BNC2: variants seen among roughly 807,000 people sequenced by gnomAD.
BNC2 encodes the protein basonuclin zinc finger protein 2, also known as zinc finger protein basonuclin-2.
In BNC2, 20 loss-of-function variants were observed where a neutral mutation model predicts 76.3. The observed-to-expected ratio is 0.26, with a 90% CI of 0.18 to 0.38. The LOEUF is 0.38. Among genes scored for constraint, BNC2 ranks in the 10% least tolerant of loss-of-function variants. The pLI is 1.00. For missense variants in BNC2, 1,382 were observed against 1,399.8 expected (o/e 0.99, Z 0.20); for synonymous variants, 582 against 514.8 (o/e 1.13, Z -1.77).
At chr9:16,634,302 C>T (rs17739947) in intron 3 of BNC2, among the ~76,000 whole-genome samples, 2,726 of 152,120 alleles carry the variant, frequency 0.018, 37 homozygotes, top group Non-Finnish European at 0.024. Context: ...TTACCTTGTC[C>T]GCTATTTAAA....
intron 2 of BNC2, among the ~76,000 whole-genome samples, chr9:16,730,026 T>C (rs184254592): frequency 4.7e-4 from 72 of 151,800 alleles, no homozygotes; most frequent in African/African-American, 1.5e-3. Context: ...TCACTCCCTC[T>C]TCCTCTTTTT....
At chr9:16,760,029 A>G (rs1380841197) in intron 1 of BNC2, among the ~76,000 whole-genome samples, 1 of 152,182 alleles carries the variant, frequency 6.6e-6, no homozygotes, top group South Asian at 2.1e-4. Flanking sequence ...GGCCAGAGAC[A>G]GAAACTCTTA....
intron 3 of BNC2, among the ~76,000 whole-genome samples, chr9:16,675,319 A>T (rs957448382): frequency 1.3e-5 from 2 of 151,770 alleles, no homozygotes; most frequent in Non-Finnish European, 2.9e-5. Context: ...TCGTAATGTG[A>T]TATCGACTCA....
chr9:16,744,828 T>C (rs1824952690), intron 1 of BNC2, among the ~76,000 whole-genome samples: 1 of 152,350 alleles, frequency 6.6e-6, no homozygotes, highest in East Asian at 1.9e-4. Context: ...TGAAAGCTTA[T>C]AGCATTTCAG....
intron 1 of BNC2, among the ~76,000 whole-genome samples, chr9:16,771,662 G>A (rs16935031): frequency 0.025 from 3,743 of 152,172 alleles, 146 homozygotes; most frequent in African/African-American, 0.085. Context: ...TCACTCCAAA[G>A]GACATTCAAC....
At chr9:16,636,125 T>C (rs1461112932) in intron 3 of BNC2, among the ~76,000 whole-genome samples, 1 of 152,132 alleles carries the variant, frequency 6.6e-6, no homozygotes, top group African/African-American at 2.4e-5. Context: ...TGGAGACTGT[T>C]AAGATGAGTG....
At chr9:16,740,554 A>G (rs1488632132) in intron 1 of BNC2, among the ~76,000 whole-genome samples, 2 of 152,226 alleles carry the variant, frequency 1.3e-5, no homozygotes, top group Admixed American at 6.5e-5. Context: ...GTTAAGAAGT[A>G]AGCAAATTGT....
intron 3 of BNC2, among the ~76,000 whole-genome samples, chr9:16,587,440 C>T (rs184122050): frequency 1.3e-5 from 2 of 152,244 alleles, no homozygotes; most frequent in African/African-American, 4.8e-5. Context: ...CACTGATATT[C>T]TGCCTTTCTC....
chr9:16,708,828 G>A (rs1587339320), intron 3 of BNC2, among the ~76,000 whole-genome samples: 1 of 152,186 alleles, frequency 6.6e-6, no homozygotes, highest in Non-Finnish European at 1.5e-5. Flanking sequence ...GCTGGCCTGA[G>A]ATGCTGATTC....
At chr9:16,776,173 C>G (rs1179245463) in intron 1 of BNC2, among the ~76,000 whole-genome samples, 1 of 150,806 alleles carries the variant, frequency 6.6e-6, no homozygotes, top group Non-Finnish European at 1.5e-5. Flanking sequence ...GAGTTTCGCT[C>G]TTGTCGCCCA....
chr9:16,564,469 G>C (rs1819112268), intron 4 of BNC2, among the ~76,000 whole-genome samples: 1 of 152,136 alleles, frequency 6.6e-6, no homozygotes, highest in African/African-American at 2.4e-5. Context: ...AAATCAACGA[G>C]ATTCAGAGGA....
At chr9:16,648,834 T>A (rs1181156577) in intron 3 of BNC2, among the ~76,000 whole-genome samples, 1 of 152,186 alleles carries the variant, frequency 6.6e-6, no homozygotes, top group African/African-American at 2.4e-5. Context: ...TCATTAGGAA[T>A]AGTTTTTTAG....
chr9:16,426,005 G>T (rs1042111596), intron 6 of BNC2, among the ~76,000 whole-genome samples: 2 of 152,158 alleles, frequency 1.3e-5, no homozygotes, highest in Non-Finnish European at 2.9e-5. Context: ...TACCTGTTGC[G>T]CTGTAATGTG....
At chr9:16,786,343 C>T (rs1826293464) in intron 1 of BNC2, among the ~76,000 whole-genome samples, 1 of 151,846 alleles carries the variant, frequency 6.6e-6, no homozygotes, top group African/African-American at 2.4e-5. Context: ...GACCATGGTG[C>T]ATTAATATTC....
Position 16,845,591 on chromosome 9 carries a change from T to G in BNC2, c.3+25055A>C, listed in dbSNP as rs570244514. Among the ~76,000 whole-genome samples the G allele has an allele frequency of 9.2e-5, 14 of 151,988 alleles. No individual in the cohort carries two copies. The South Asian group carries it at 2.5e-3, about 27-fold the overall frequency. On this transcript the variant is annotated intron_variant, in intron 1 of 6. Coordinates refer to ENST00000380672, the MANE Select transcript of BNC2 (RefSeq NM_017637.6). Reference sequence around the variant, plus strand: ...AAAAAATTAGCCGGGTGTAGCGGCGTGGGCCTGTAGTCCCAGCTACTTGGG... The same window carrying G: ...AAAAAATTAGCCGGGTGTAGCGGCGGGGGCCTGTAGTCCCAGCTACTTGGG...
chr9:16,725,983 C>CT (rs1824303841), intron 3 of BNC2, among the ~76,000 whole-genome samples: 1 of 74,376 alleles, frequency 1.3e-5, no homozygotes, highest in African/African-American at 6.1e-5. Flanking sequence ...ATCTTCCCTT[C>CT]TAACACACAC....
At chr9:16,704,881 C>G (rs977484499) in intron 3 of BNC2, 4 of 152,678 alleles carry the variant, frequency 2.6e-5, no homozygotes, top group African/African-American at 9.7e-5. Context: ...GGGGCCCGCT[C>G]TCAGGCAGTT....
chr9:16,437,593 T>C, intron 5 of BNC2, 69 bp from the exon 6 acceptor site: 4 of 1,551,914 alleles, frequency 2.6e-6, no homozygotes, highest in African/African-American at 1.3e-5. Context: ...AATTATTCAA[T>C]GCAACTGAAG....
chr9:16,667,985 C>T (rs1822351856), intron 3 of BNC2, among the ~76,000 whole-genome samples: 1 of 152,170 alleles, frequency 6.6e-6, no homozygotes, highest in South Asian at 2.1e-4. Context: ...CAAAGATTGG[C>T]ATTTATCACA....
Sources: gnomAD v4.1 joint callset for allele counts (sites outside exome capture counted in the v4.1 genomes callset) on GRCh38, gnomAD v4.1.1 for gene constraint, MANE v1.5 for transcripts, NCBI Gene and HGNC (gene_info 2026-07-23, HGNC 2026-07-21) for gene names.